The following IQCM variants were observed in gnomAD, a reference collection of about 807,000 sequenced individuals.
IQCM encodes the protein IQ domain-containing protein M.
In IQCM, 45 loss-of-function variants were observed where a neutral mutation model predicts 57.6. That is an observed-to-expected ratio of 0.78 (90% CI 0.62 to 1.00). The LOEUF (loss-of-function observed/expected upper bound fraction) is 1.00, where lower values mean the gene tolerates loss of function less well. IQCM is among the 50% of genes least tolerant of loss of function. The pLI is 0.00. For missense variants in IQCM, 468 were observed against 511.6 expected (o/e 0.91, Z 0.82); for synonymous variants, 148 against 158.9 (o/e 0.93, Z 0.51).
intron 2 of IQCM, among the ~76,000 whole-genome samples, chr4:149,761,546 C>T (rs1769515190): frequency 6.6e-6 from 1 of 152,060 alleles, no homozygotes; most frequent in African/African-American, 2.4e-5. Context: ...TGTAAGAATC[C>T]CACAGCACTT....
chr4:149,587,890 G>T lies in IQCM; in HGVS notation c.749+40C>A, dbSNP rs946565633. 5.5e-6 allele frequency: 5 copies of T among 911,426 alleles called. No individual in the cohort carries two copies. The African/African-American group carries it at 8.6e-5, about 16-fold the overall frequency. The allele number at this position is 911,426 out of a possible 1,614,324, so 56.5% of individuals were successfully genotyped here. A position where few individuals can be genotyped will look rare whatever the true frequency, so the allele number is the denominator to read the frequency against. On this transcript the variant is annotated intron_variant, in intron 9 of 13. Transcript: ENST00000636793. ...ATTACATTGATAACAACAAAAATGAGTGCATTAATTTACACTTTTCTATTA... is the reference window on the plus strand; with the variant it reads ...ATTACATTGATAACAACAAAAATGATTGCATTAATTTACACTTTTCTATTA...
At chr4:149,677,888 G>A (rs1328891943) in intron 7 of IQCM, among the ~76,000 whole-genome samples, 2 of 151,760 alleles carry the variant, frequency 1.3e-5, no homozygotes, top group Non-Finnish European at 2.9e-5. Flanking sequence ...TATATTTGCT[G>A]AACTGAAAAA....
rs190270568 is a variant in IQCM at position 149,442,420 on chromosome 4, C to A, written c.1229-8863G>T. On this transcript the variant is annotated intron_variant, in intron 12 of 13. Transcript: ENST00000636793. ...CTATAAGCAACAACAACAAAAAAAACCCAAAAAACAAAAACAAACAAAAAC... is the reference window on the plus strand; with the variant it reads ...CTATAAGCAACAACAACAAAAAAAAACCAAAAAACAAAAACAAACAAAAAC... 1.6e-3 allele frequency among the ~76,000 whole-genome samples: 236 copies of A among 151,988 alleles called. 6 individuals carry two copies. In the East Asian group the frequency reaches 0.037, roughly 24 times the overall value.
At chr4:149,774,076 C>T (rs1409331155) in intron 2 of IQCM, among the ~76,000 whole-genome samples, 1 of 152,048 alleles carries the variant, frequency 6.6e-6, no homozygotes, top group Non-Finnish European at 1.5e-5. Context: ...AGGTAAATGT[C>T]ATTCATATAA....
chr4:149,549,453 A>G (rs1008102284), intron 11 of IQCM, among the ~76,000 whole-genome samples: 1 of 151,618 alleles, frequency 6.6e-6, no homozygotes, highest in African/African-American at 2.4e-5. Context: ...GGGAGGCGGA[A>G]CTTGCAGTGA....
intron 10 of IQCM, among the ~76,000 whole-genome samples, chr4:149,562,998 T>C (rs1282571061): frequency 6.6e-6 from 1 of 152,168 alleles, no homozygotes; most frequent in Non-Finnish European, 1.5e-5. Context: ...TTTAGCCCTT[T>C]AAGGTGAGGA....
rs1750346588 is a variant in IQCM, at chr4:149,563,675, T to C, written c.948+17A>G. On this transcript the variant is annotated intron_variant, in intron 10 of 13. Transcript: ENST00000636793. ...GAGAAATTTTAAACACATTATAATA[T>C]CTGATGGATATCTTACCTTGGTCAT... The C allele has an allele frequency of 4.1e-6, 5 of 1,224,888 alleles. No homozygotes were observed. Among genetic ancestry groups the C allele is most frequent in the African/African-American group, 1.6e-5 (1 of 64,324 alleles). 75.9% of individuals were successfully genotyped at this position (1,224,888 alleles called of 1,614,324 possible).
chr4:149,448,904 G>A (rs1188005634), intron 12 of IQCM, among the ~76,000 whole-genome samples: 1 of 151,622 alleles, frequency 6.6e-6, no homozygotes, highest in African/African-American at 2.4e-5. Context: ...CTTAAGGGAG[G>A]TATTATAGCA....
At chr4:149,544,331 C>A (rs1748164269) in intron 12 of IQCM, among the ~76,000 whole-genome samples, 1 of 151,998 alleles carries the variant, frequency 6.6e-6, no homozygotes, top group African/African-American at 2.4e-5. Context: ...AAAGAAAATA[C>A]AATATTTAGT....
At chr4:149,723,083 A>G (rs766231292) in intron 5 of IQCM, among the ~76,000 whole-genome samples, 1 of 151,936 alleles carries the variant, frequency 6.6e-6, no homozygotes, top group Non-Finnish European at 1.5e-5. Flanking sequence ...TTTGATTCTC[A>G]GGTTGGTCAT....
chr4:149,734,784 G>T (rs1766781953), intron 4 of IQCM, among the ~76,000 whole-genome samples: 1 of 151,856 alleles, frequency 6.6e-6, no homozygotes, highest in Non-Finnish European at 1.5e-5. Flanking sequence ...ACCCTCCTCT[G>T]TCTCTTTGTT....
intron 7 of IQCM, among the ~76,000 whole-genome samples, chr4:149,653,331 C>G (rs1265454741): frequency 6.6e-6 from 1 of 152,060 alleles, no homozygotes; most frequent in African/African-American, 2.4e-5. Flanking sequence ...AAAGACAAAG[C>G]CACTAAGAAT....
At chr4:149,708,374 G>C (rs1764314694) in intron 5 of IQCM, among the ~76,000 whole-genome samples, 1 of 151,796 alleles carries the variant, frequency 6.6e-6, no homozygotes, top group African/African-American at 2.4e-5. Context: ...ATCATAGACA[G>C]GAACTTGAAG....
At chr4:149,433,258 G>T in intron 13 of IQCM, 138 bp downstream of exon 13, 1 of 420,786 alleles carries the variant, frequency 2.4e-6, no homozygotes, top group Non-Finnish European at 4.0e-6. Context: ...TGCAGGCAGA[G>T]TATCTAAGAA....
chr4:149,451,896 G>A (rs1737160903), intron 12 of IQCM, among the ~76,000 whole-genome samples: 2 of 151,630 alleles, frequency 1.3e-5, no homozygotes, highest in African/African-American at 2.4e-5. Flanking sequence ...AGTGATGACA[G>A]GCATCTATCT....
intron 7 of IQCM, among the ~76,000 whole-genome samples, chr4:149,655,764 CA>C (rs927303858): frequency 4.6e-5 from 7 of 151,758 alleles, no homozygotes; most frequent in African/African-American, 9.7e-5. Flanking sequence ...CCAAAACTGT[CA>C]AAAAAAATCA....
intron 7 of IQCM, among the ~76,000 whole-genome samples, chr4:149,651,027 T>G (rs949164390): frequency 6.6e-6 from 1 of 152,148 alleles, no homozygotes; most frequent in African/African-American, 2.4e-5. Flanking sequence ...GGAATTCACA[T>G]TCCTTACATT....
chr4:149,540,011 G>A (rs1454370276), intron 12 of IQCM, among the ~76,000 whole-genome samples: 1 of 152,072 alleles, frequency 6.6e-6, no homozygotes, highest in African/African-American at 2.4e-5. Context: ...ACTTTAACCT[G>A]TAATGCAACT....
intron 2 of IQCM, among the ~76,000 whole-genome samples, chr4:149,806,949 A>C (rs1485347174): frequency 5.9e-5 from 9 of 151,956 alleles, no homozygotes; most frequent in Non-Finnish European, 1.3e-4. Context: ...AATAAATTAA[A>C]TCAAAGAGGT....
Sources: allele counts gnomAD v4.1 joint callset (sites outside exome capture counted in the v4.1 genomes callset), GRCh38; gene constraint gnomAD v4.1.1; transcripts MANE v1.5; gene names NCBI Gene and HGNC (gene_info 2026-07-23, HGNC 2026-07-21).